ACOD1: variants seen among roughly 807,000 people sequenced by gnomAD.
ACOD1 encodes aconitate decarboxylase 1.
In ACOD1, 14 loss-of-function variants were observed where a neutral mutation model predicts 14.2. That is an observed-to-expected ratio of 0.99 (90% CI 0.65 to 1.54). The LOEUF (loss-of-function observed/expected upper bound fraction) is 1.54, where lower values mean the gene tolerates loss of function less well. ACOD1 is among the 40% of genes most tolerant of loss of function. The pLI is 0.00. For missense variants in ACOD1, 530 were observed against 586.3 expected (o/e 0.90, Z 0.99); for synonymous variants, 182 against 221.7 (o/e 0.82, Z 1.59).
chr13:76,957,833 T>C lies in ACOD1; in HGVS notation c.1294T>C (p.Trp432Arg), dbSNP rs576299128. The C allele has an allele frequency of 7.7e-6, 12 of 1,551,128 alleles. No homozygotes were observed. The highest frequency in any genetic ancestry group is 3.3e-4 in the Middle Eastern group (2 of 5,994). Reference sequence around the variant, plus strand: ...AGCCAATGCCTCCAAGATGCTGTCCTGGGACACAGTGGAAAGCCTTATAAA... The same window carrying C: ...AGCCAATGCCTCCAAGATGCTGTCCCGGGACACAGTGGAAAGCCTTATAAA... ...FRANASKMLS[W>R]DTVESLIKIV... The change falls in exon 5 of 5, where the codon TGG (tryptophan) becomes CGG (arginine). Residue 432 changes from tryptophan (W) to arginine (R), a missense_variant. Transcript: ENST00000377462.
At position 76,957,366 on chromosome 13, in the gene ACOD1, C is replaced by A. The variant is rs2033888655; in HGVS notation, c.827C>A (p.Ala276Glu). ...GACGTGGCCTTTAAGCGTTTTCCTG[C>A]ACATTTATCTACCCACTGGGTGGCA... Reference protein sequence around the residue: ...QQDVAFKRFPAHLSTHWVADA... With the variant: ...QQDVAFKRFPEHLSTHWVADA... Residue 276 changes from alanine (A) to glutamate (E), a missense_variant, in exon 5 of 5, where the codon GCA (alanine) becomes GAA (glutamate). Transcript: ENST00000377462. The A allele has an allele frequency of 6.4e-7, 1 of 1,550,644 alleles. No individual in the cohort carries two copies. Among genetic ancestry groups the A allele is most frequent in the Admixed American group, 2.0e-5 (1 of 51,012 alleles).
intron 3 of ACOD1, among the ~76,000 whole-genome samples, chr13:76,954,899 C>T (rs1009522322): frequency 2.0e-5 from 3 of 152,004 alleles, no homozygotes; most frequent in South Asian, 2.1e-4. Flanking sequence ...GAGGCTGAGG[C>T]GGGCGGATAA....
intron 1 of ACOD1, among the ~76,000 whole-genome samples, chr13:76,951,746 T>G (rs547931421): frequency 6.6e-6 from 1 of 152,178 alleles, no homozygotes; most frequent in Non-Finnish European, 1.5e-5. Flanking sequence ...GAGAGCCTCC[T>G]AGAGATCCTA....
At chr13:76,951,527 C>T (rs1464939250) in intron 1 of ACOD1, among the ~76,000 whole-genome samples, 2 of 151,334 alleles carry the variant, frequency 1.3e-5, no homozygotes, top group Non-Finnish European at 2.9e-5. Context: ...TGAGCCACCA[C>T]ACCTGGTCAA....
At position 76,955,307 on chromosome 13, in the gene ACOD1, CTGTT is replaced by C; in HGVS notation, c.265-10_265-7del. 6.5e-7 allele frequency: 1 copy of C among 1,548,788 alleles called. No homozygotes were observed. The highest frequency in any genetic ancestry group is 8.7e-7 in the Non-Finnish European group (1 of 1,146,222). On this transcript the variant is annotated splice_polypyrimidine_tract_variant and splice_region_variant and intron_variant, in intron 3 of 4. Transcript: ENST00000377462. The stretch of plus-strand genomic sequence containing the variant: ...TAAGGCTTTTTGTTGCTGTTTGTGT[CTGTT>C]TATACAGATTCACTCCATGGATTTT...
intron 3 of ACOD1, 96 bp from the exon 4 acceptor site, chr13:76,955,223 A>T (rs1477957706): frequency 4.0e-6 from 3 of 747,648 alleles, no homozygotes; most frequent in Non-Finnish European, 6.6e-6. Flanking sequence ...CACATAAAAC[A>T]AGGTTATTAC....
In ACOD1 at chr13:76,957,434, G is replaced by C. The variant is rs1593892453; in HGVS notation, c.895G>C (p.Ala299Pro). The C allele has an allele frequency of 1.3e-6, 2 of 1,550,572 alleles. No individual in the cohort carries two copies. The highest frequency in any genetic ancestry group is 2.4e-5 in the East Asian group (1 of 40,920). Residue 299 changes from alanine to proline, a missense_variant, in exon 5 of 5, where the codon GCC becomes CCC. Ala to Pro is a conservative substitution (Grantham distance 27). Coordinates refer to ENST00000377462, the MANE Select transcript of ACOD1 (RefSeq NM_001258406.2). ...SVRKHLVAER[A>P]LLPTDYIKRI... ...GAGAAAGCACCTTGTAGCAGAGAGAGCCCTGCTTCCAACTGACTACATTAA... is the reference window on the plus strand; with the variant it reads ...GAGAAAGCACCTTGTAGCAGAGAGACCCCTGCTTCCAACTGACTACATTAA...
At chr13:76,955,851 A>G (rs1286850184) in intron 4 of ACOD1, among the ~76,000 whole-genome samples, 2 of 152,202 alleles carry the variant, frequency 1.3e-5, no homozygotes, top group African/African-American at 4.8e-5. Flanking sequence ...CGTCCCTCAG[A>G]CTAATGAGGA....
At position 76,957,938 on chromosome 13, in the gene ACOD1, G is replaced by C. The variant is rs2098239700; in HGVS notation, c.1399G>C (p.Ala467Pro). 2 of 1,547,034 alleles carry C rather than the reference G, an allele frequency of 1.3e-6. No individual in the cohort carries two copies. The highest frequency in any genetic ancestry group is 1.7e-6 in the Non-Finnish European group (2 of 1,145,982). ...CAAAGGACCCTCTCCACCAGAGGTA[G>C]CTTCAAACTCTCCAGCATGTAATAA... ...LLKGPSPPEV[A>P]SNSPACNNSI... Residue 467 changes from alanine to proline, a missense_variant, in exon 5 of 5, where the codon GCT (alanine) becomes CCT (proline). Coordinates refer to ENST00000377462, the MANE Select transcript of ACOD1 (RefSeq NM_001258406.2).
At chr13:76,952,233 G>A (rs924021036) in intron 1 of ACOD1, among the ~76,000 whole-genome samples, 1 of 151,982 alleles carries the variant, frequency 6.6e-6, no homozygotes, top group Non-Finnish European at 1.5e-5. Context: ...GCTGTGTCCT[G>A]TGCTTGCTAT....
At position 76,957,025 on chromosome 13, in the gene ACOD1, C is replaced by T. The variant is rs1378569600; in HGVS notation, c.486C>T (p.Ser162=). The change falls in exon 5 of 5, where the codon TCC becomes TCT. Residue 162 remains serine, a synonymous_variant. Coordinates refer to ENST00000377462, the MANE Select transcript of ACOD1 (RefSeq NM_001258406.2). ...NDMPKRFHPP[S]VVGTLGSAAA... Reference sequence around the variant, plus strand: ...TGCTTTTCAGATTCCATCCCCCTTCCGTGGTAGGAACGTTGGGTAGTGCTG... The same window carrying T: ...TGCTTTTCAGATTCCATCCCCCTTCTGTGGTAGGAACGTTGGGTAGTGCTG... The T allele has an allele frequency of 5.8e-6, 9 of 1,547,688 alleles. No individual in the cohort carries two copies. Among genetic ancestry groups the T allele is most frequent in the South Asian group, 1.2e-5 (1 of 83,720 alleles).
intron 4 of ACOD1, 90 bp downstream of exon 4, chr13:76,955,614 G>A (rs35254389): frequency 0.026 from 29,275 of 1,135,804 alleles, 586 homozygotes; most frequent in East Asian, 0.1. Context: ...CTTAGAGGCC[G>A]GTTCAGAGGA....
Position 76,957,935 on chromosome 13 carries a change from G to T in ACOD1, c.1396G>T (p.Val466Leu). 1 of 1,547,956 alleles carries T rather than the reference G, an allele frequency of 6.5e-7. No individual in the cohort carries two copies. Among genetic ancestry groups the T allele is most frequent in the Non-Finnish European group, 8.7e-7 (1 of 1,146,184 alleles). The stretch of plus-strand genomic sequence containing the variant: ...TCTCAAAGGACCCTCTCCACCAGAG[G>T]TAGCTTCAAACTCTCCAGCATGTAA... ...TLLKGPSPPE[V>L]ASNSPACNNS... Residue 466 changes from valine (V) to leucine (L), a missense_variant, in exon 5 of 5, where the codon GTA becomes TTA. Transcript: ENST00000377462.
rs1326221232 is a variant in ACOD1, at chr13:76,953,654, C to T, written c.229C>T (p.Pro77Ser). The change falls in exon 3 of 5, where the codon CCG becomes TCG. Residue 77 changes from proline (P) to serine (S), a missense_variant. Physicochemically the swap from Pro to Ser is moderately conservative, Grantham distance 74 (BLOSUM62 -1). Coordinates refer to ENST00000377462, the MANE Select transcript of ACOD1 (RefSeq NM_001258406.2). The part of the protein sequence containing the change: ...TVWGQPDIRL[P>S]PTYAAFVNGV... The stretch of plus-strand genomic sequence containing the variant: ...TTGGGGTCAGCCAGACATCAGGCTC[C>T]CGCCCACATATGCTGCTTTTGTGAA... 6.5e-7 allele frequency: 1 copy of T among 1,549,508 alleles called. No individual in the cohort carries two copies. The highest frequency in any genetic ancestry group is 8.7e-7 in the Non-Finnish European group (1 of 1,145,742).
Position 76,956,972 on chromosome 13 carries a change from G to A in ACOD1, c.471-38G>A, listed in dbSNP as rs549119806. The A allele has an allele frequency of 4.9e-5, 74 of 1,515,296 alleles. No homozygotes were observed. The Middle Eastern group carries it at 5.2e-4, about 11-fold the overall frequency. The allele number at this position is 1,515,296 out of a possible 1,614,324, so 93.9% of individuals were successfully genotyped here. A position where few individuals can be genotyped will look rare whatever the true frequency, so the allele number is the denominator to read the frequency against. ...CGCTATCCTGCCTCCTGGTGGTTAC[G>A]GTTTGTACATCTCCAACTCTGCTTC... On this transcript the variant is annotated intron_variant, in intron 4 of 4. Coordinates refer to ENST00000377462, the MANE Select transcript of ACOD1 (RefSeq NM_001258406.2).
intron 3 of ACOD1, among the ~76,000 whole-genome samples, chr13:76,954,128 T>C (rs1593890632): frequency 6.6e-6 from 1 of 152,338 alleles, no homozygotes; most frequent in East Asian, 1.9e-4. Context: ...AGTGTCTGTA[T>C]TTTCTGAACC....
intron 1 of ACOD1, 105 bp downstream of exon 1, chr13:76,948,675 G>A: frequency 1.1e-6 from 1 of 910,402 alleles, no homozygotes; most frequent in Non-Finnish European, 1.7e-6. Flanking sequence ...ACCTGCTTCT[G>A]CTTTAACTTT....
At chr13:76,952,313 T>G (rs528143095) in intron 1 of ACOD1, among the ~76,000 whole-genome samples, 176 bp from the exon 2 acceptor site, 1 of 152,092 alleles carries the variant, frequency 6.6e-6, no homozygotes, top group African/African-American at 2.4e-5. Flanking sequence ...GCCTCACACA[T>G]AGTAGGTGCT....
chr13:76,952,571 G>A lies in ACOD1; in HGVS notation c.95G>A (p.Arg32Lys). Residue 32 changes from arginine to lysine, a missense_variant, in exon 2 of 5, where the codon AGG becomes AAG. Physicochemically the swap from Arg to Lys is conservative, Grantham distance 26. Coordinates refer to ENST00000377462, the MANE Select transcript of ACOD1 (RefSeq NM_001258406.2). ...GATCGTGTTATTCAGAGGAGCAAGAGGATGATTCTAGACACTCTGGGTGCT... is the reference window on the plus strand; with the variant it reads ...GATCGTGTTATTCAGAGGAGCAAGAAGATGATTCTAGACACTCTGGGTGCT... ...LTDRVIQRSK[R>K]MILDTLGAGF... The A allele has an allele frequency of 1.3e-6, 2 of 1,550,404 alleles. No individual in the cohort carries two copies. Among genetic ancestry groups the A allele is most frequent in the African/African-American group, 1.4e-5 (1 of 73,156 alleles).
Sources: gnomAD v4.1 joint callset for allele counts (sites outside exome capture counted in the v4.1 genomes callset) on GRCh38, gnomAD v4.1.1 for gene constraint, MANE v1.5 for transcripts, NCBI Gene and HGNC (gene_info 2026-07-23, HGNC 2026-07-21) for gene names.